DLG2: variants seen among roughly 807,000 people sequenced by gnomAD.
DLG2 encodes disks large homolog 2.
A neutral mutation model predicts 132.5 loss-of-function variants in DLG2; 45 were observed. That is an observed-to-expected ratio of 0.34 (90% CI 0.27 to 0.44). The LOEUF (loss-of-function observed/expected upper bound fraction) is 0.44. DLG2 is among the 20% of genes least tolerant of loss of function. The pLI, the probability that DLG2 is intolerant of heterozygous loss-of-function variation, is 1.00. For missense variants in DLG2, 1,045 were observed against 1,196.9 expected (o/e 0.87, Z 1.87); for synonymous variants, 424 against 419.6 (o/e 1.01, Z -0.13).
intron 7 of DLG2, among the ~76,000 whole-genome samples, chr11:84,280,413 C>T (rs1000854259): frequency 2.6e-5 from 4 of 151,476 alleles, no homozygotes; most frequent in African/African-American, 9.7e-5. Flanking sequence ...GGACTATAGG[C>T]GCACACCACC....
intron 6 of DLG2, among the ~76,000 whole-genome samples, chr11:84,777,324 T>C (rs11234173): frequency 0.11 from 11,741 of 105,220 alleles, 723 homozygotes; most frequent in Non-Finnish European, 0.13. Context: ...TATATATATA[T>C]ACGTTTTCTT....
At chr11:85,323,229 A>G (rs1423313542) in intron 3 of DLG2, among the ~76,000 whole-genome samples, 1 of 152,198 alleles carries the variant, frequency 6.6e-6, no homozygotes, top group Non-Finnish European at 1.5e-5. Flanking sequence ...TATCACTAAC[A>G]GTCTCCTAAA....
chr11:83,828,756 G>A (rs892427306), intron 17 of DLG2, among the ~76,000 whole-genome samples: 11 of 152,188 alleles, frequency 7.2e-5, no homozygotes, highest in African/African-American at 2.7e-4. Context: ...AACAGATACA[G>A]TCTTAAAGCA....
intron 9 of DLG2, among the ~76,000 whole-genome samples, chr11:84,146,244 C>A (rs1416393414): frequency 9.9e-6 from 1 of 101,474 alleles, no homozygotes; most frequent in Non-Finnish European, 2.3e-5. Flanking sequence ...TACTGGAGAG[C>A]TTTGCTTTAT....
At chr11:84,611,415 G>A (rs1337554480) in intron 6 of DLG2, among the ~76,000 whole-genome samples, 1 of 152,070 alleles carries the variant, frequency 6.6e-6, no homozygotes, top group Admixed American at 6.6e-5. Flanking sequence ...TGAACAATAT[G>A]GTTAACAGTA....
At chr11:83,633,148 G>A in intron 19 of DLG2, 63 bp downstream of exon 19, 1 of 1,448,298 alleles carries the variant, frequency 6.9e-7, no homozygotes, top group East Asian at 2.3e-5. Flanking sequence ...ACATGGTGTT[G>A]CCTTTGTTTT....
At chr11:84,810,587 A>C (rs2076447993) in intron 6 of DLG2, among the ~76,000 whole-genome samples, 1 of 152,170 alleles carries the variant, frequency 6.6e-6, no homozygotes, top group Non-Finnish European at 1.5e-5. Flanking sequence ...TTCTTTGAAA[A>C]CAAAACATGC....
intron 3 of DLG2, among the ~76,000 whole-genome samples, chr11:85,387,062 AT>A (rs1440042983): frequency 1.3e-5 from 2 of 151,444 alleles, no homozygotes; most frequent in African/African-American, 4.9e-5. Flanking sequence ...TAATTTTTGT[AT>A]TTTTAGTAGA....
intron 3 of DLG2, among the ~76,000 whole-genome samples, chr11:85,381,830 T>C (rs2085916880): frequency 6.6e-6 from 1 of 152,092 alleles, no homozygotes; most frequent in Admixed American, 6.6e-5. Context: ...CAAAACATTG[T>C]TGAAATAAAG....
At chr11:85,156,791 C>G (rs1362447273) in intron 4 of DLG2, among the ~76,000 whole-genome samples, 1 of 152,192 alleles carries the variant, frequency 6.6e-6, no homozygotes, top group Non-Finnish European at 1.5e-5. Context: ...CAAAGGCTAC[C>G]TGGTTGTCCT....
intron 6 of DLG2, among the ~76,000 whole-genome samples, chr11:84,718,374 A>G (rs2061449507): frequency 6.6e-6 from 1 of 152,132 alleles, no homozygotes. Context: ...TCCGAATACC[A>G]AAAGGAAGAG....
At chr11:84,648,567 G>A (rs566950105) in intron 6 of DLG2, among the ~76,000 whole-genome samples, 1 of 152,184 alleles carries the variant, frequency 6.6e-6, no homozygotes, top group East Asian at 1.9e-4. Flanking sequence ...GGAGGTGGGG[G>A]CTGGTGGGAA....
chr11:85,310,548 C>G (rs147215233), intron 3 of DLG2, among the ~76,000 whole-genome samples: 3 of 152,260 alleles, frequency 2.0e-5, no homozygotes, highest in Non-Finnish European at 2.9e-5. Flanking sequence ...CATCCCTTTC[C>G]CTACAGTACT....
chr11:85,296,891 A>G (rs1428486395), intron 3 of DLG2, among the ~76,000 whole-genome samples: 2 of 149,972 alleles, frequency 1.3e-5, no homozygotes, highest in African/African-American at 4.9e-5. Flanking sequence ...TTTATTATAT[A>G]TAATTATATT....
rs199508712 is a variant in DLG2, at chr11:84,218,220, AAAGG to A, written c.573+33014_573+33017del. Among the ~76,000 whole-genome samples the A allele has an allele frequency of 2.0e-3, 296 of 149,422 alleles. 2 individuals are homozygous for A. The highest frequency in any genetic ancestry group is 5.9e-3 in the African/African-American group (240 of 40,760). On this transcript the variant is annotated intron_variant, in intron 8 of 27. Transcript: ENST00000376104. ...AAGGAAAGGAAGGAAGGAAGGAAAG[AAAGG>A]AAGGAAGGAAGGAAAGGAAGGAAGG...
chr11:83,504,648 A>G (rs960449003), intron 21 of DLG2, among the ~76,000 whole-genome samples: 9 of 152,116 alleles, frequency 5.9e-5, no homozygotes, highest in Admixed American at 1.3e-4. Flanking sequence ...CCAGCAGACT[A>G]TCTAGGCCAG....
At chr11:83,694,510 C>T (rs550854131) in intron 18 of DLG2, among the ~76,000 whole-genome samples, 1 of 152,268 alleles carries the variant, frequency 6.6e-6, no homozygotes, top group East Asian at 1.9e-4. Context: ...GCAACCATAT[C>T]TTCTTGCTGA....
chr11:84,023,102 G>A (rs1343657603), intron 11 of DLG2, among the ~76,000 whole-genome samples: 3 of 152,194 alleles, frequency 2.0e-5, no homozygotes, highest in East Asian at 3.9e-4. Flanking sequence ...GGGGAGTGGG[G>A]ATAAAAACTA....
chr11:83,696,268 G>A (rs1404314290), intron 18 of DLG2, among the ~76,000 whole-genome samples: 2 of 152,166 alleles, frequency 1.3e-5, no homozygotes, highest in African/African-American at 2.4e-5. Flanking sequence ...AATCTGGGCT[G>A]GAGGTAATGA....
Sources: allele counts gnomAD v4.1 joint callset (sites outside exome capture counted in the v4.1 genomes callset), GRCh38; gene constraint gnomAD v4.1.1; transcripts MANE v1.5; gene names NCBI Gene and HGNC (gene_info 2026-07-23, HGNC 2026-07-21).